CTNNA3: variants seen among roughly 807,000 people sequenced by gnomAD.
The protein encoded by CTNNA3 is catenin alpha 3, also known as catenin alpha-3.
A neutral mutation model predicts 95.7 loss-of-function variants in CTNNA3; 76 were observed. The ratio of observed to expected loss-of-function variants is 0.79; its 90% CI spans 0.66 to 0.96. CTNNA3 has a LOEUF of 0.96. Among genes scored for constraint, CTNNA3 ranks in the 40% least tolerant of loss-of-function variants. The pLI is 0.00. For synonymous variants in CTNNA3, 431 were observed against 374.4 expected, an observed-to-expected ratio of 1.15 and a Z score of -1.74; for missense variants, 1,191 against 1,089.8, an observed-to-expected ratio of 1.09 and a Z score of -1.31.
intron 7 of CTNNA3, among the ~76,000 whole-genome samples, chr10:67,137,600 C>G (rs927799566): frequency 5.3e-5 from 8 of 152,160 alleles, no homozygotes; most frequent in African/African-American, 1.9e-4. Flanking sequence ...AAAATTGTCT[C>G]ATTCTCACAA....
chr10:66,644,272 G>C (rs1001429633), intron 9 of CTNNA3, among the ~76,000 whole-genome samples: 2 of 103,050 alleles, frequency 1.9e-5, no homozygotes, highest in South Asian at 7.5e-4. Flanking sequence ...CTGTCTGTCT[G>C]TCTGTCTGTC....
intron 1 of CTNNA3, among the ~76,000 whole-genome samples, chr10:67,727,954 T>C (rs934520728): frequency 1.4e-4 from 19 of 136,748 alleles, no homozygotes; most frequent in African/African-American, 5.1e-4. Flanking sequence ...ATATAGTATG[T>C]ATAATATATA....
At chr10:66,220,302 C>T (rs2088851107) in intron 13 of CTNNA3, among the ~76,000 whole-genome samples, 1 of 152,092 alleles carries the variant, frequency 6.6e-6, no homozygotes, top group African/African-American at 2.4e-5. Context: ...ATTTGTAGAA[C>T]ATATCTCTAA....
chr10:66,765,189 G>A (rs1284835182), intron 9 of CTNNA3, among the ~76,000 whole-genome samples: 4 of 152,172 alleles, frequency 2.6e-5, no homozygotes, highest in Non-Finnish European at 4.4e-5. Flanking sequence ...AATGCTAGCT[G>A]CATTGGAAAC....
Position 67,564,205 on chromosome 10 carries a change from G to A in CTNNA3, c.293-24536C>T, listed in dbSNP as rs1420306016. On this transcript the variant is annotated intron_variant, in intron 3 of 17. Coordinates refer to ENST00000433211, the MANE Select transcript of CTNNA3 (RefSeq NM_013266.4). Reference sequence around the variant, plus strand: ...AGACACATGCACACGTATGTTTATTGTGGCACTATTCACAATAGCAAAGAC... The same window carrying A: ...AGACACATGCACACGTATGTTTATTATGGCACTATTCACAATAGCAAAGAC... 1.3e-5 allele frequency among the ~76,000 whole-genome samples: 2 copies of A among 149,604 alleles called. 1 individual carries two copies. The highest frequency in any genetic ancestry group is 3.0e-5 in the Non-Finnish European group (2 of 67,380).
At chr10:66,632,038 G>A (rs1158850140) in intron 9 of CTNNA3, among the ~76,000 whole-genome samples, 2 of 151,880 alleles carry the variant, frequency 1.3e-5, no homozygotes, top group African/African-American at 4.8e-5. Context: ...AGATATGTGT[G>A]CATATCTATA....
intron 7 of CTNNA3, among the ~76,000 whole-genome samples, chr10:66,935,613 A>C (rs142275053): frequency 5.5e-4 from 83 of 152,156 alleles, no homozygotes; most frequent in African/African-American, 1.9e-3. Context: ...CAAGGTACGT[A>C]TGTTGTACAT....
chr10:67,321,616 G>A (rs577548010), intron 5 of CTNNA3, among the ~76,000 whole-genome samples: 1 of 152,220 alleles, frequency 6.6e-6, no homozygotes, highest in African/African-American at 2.4e-5. Context: ...TGGTTTCAGA[G>A]CCCTCTTCTT....
chr10:67,554,903 C>G (rs1841178420), intron 3 of CTNNA3, among the ~76,000 whole-genome samples: 1 of 152,190 alleles, frequency 6.6e-6, no homozygotes, highest in Non-Finnish European at 1.5e-5. Context: ...ACATTTAAGT[C>G]TTTAATCCAT....
intron 1 of CTNNA3, among the ~76,000 whole-genome samples, chr10:67,675,092 T>C (rs1840511328): frequency 6.6e-6 from 1 of 152,118 alleles, no homozygotes; most frequent in Non-Finnish European, 1.5e-5. Flanking sequence ...TTCTTTTGAC[T>C]TATTTATGGG....
chr10:66,579,380 G>C (rs1843112308), intron 10 of CTNNA3, among the ~76,000 whole-genome samples: 1 of 151,804 alleles, frequency 6.6e-6, no homozygotes, highest in African/African-American at 2.4e-5. Context: ...ATCAGATTAT[G>C]AATGGATTAT....
chr10:65,959,402 A>G (rs1021913862), intron 17 of CTNNA3, among the ~76,000 whole-genome samples: 2 of 152,194 alleles, frequency 1.3e-5, no homozygotes, highest in African/African-American at 4.8e-5. Flanking sequence ...CCACTGTCCA[A>G]CAAGCCCCAG....
rs1197711848 is a variant in CTNNA3, at chr10:67,434,724, A to T, written c.579+87118T>A. On this transcript the variant is annotated intron_variant, in intron 5 of 17. Coordinates refer to ENST00000433211, the MANE Select transcript of CTNNA3 (RefSeq NM_013266.4). Reference sequence around the variant, plus strand: ...GACATCATGGAAATTTAAAGCTGAAACCTATAAGGAATCCTAAAAAGCACC... The same window carrying T: ...GACATCATGGAAATTTAAAGCTGAATCCTATAAGGAATCCTAAAAAGCACC... 2.0e-5 allele frequency among the ~76,000 whole-genome samples: 3 copies of T among 152,092 alleles called. No homozygotes were observed. In the East Asian group the frequency reaches 5.8e-4, roughly 29 times the overall value.
chr10:67,323,219 T>G (rs901699710), intron 5 of CTNNA3, among the ~76,000 whole-genome samples: 1 of 152,222 alleles, frequency 6.6e-6, no homozygotes, highest in African/African-American at 2.4e-5. Context: ...CTCTTTAATT[T>G]AATTAGGTCC....
In CTNNA3 at chr10:66,381,969, A is replaced by AT. The variant is rs2092842897; in HGVS notation, c.1532-2618dup. 3.3e-5 allele frequency among the ~76,000 whole-genome samples: 5 copies of AT among 152,146 alleles called. No individual in the cohort carries two copies. The South Asian group carries it at 1.0e-3, about 32-fold the overall frequency. ...AAGCTACCATTTTCACCTAACCAAG[A>AT]TGGCCAAATAGGAGCAGCTCCGGTC... On this transcript the variant is annotated intron_variant, in intron 11 of 17. Coordinates refer to ENST00000433211, the MANE Select transcript of CTNNA3 (RefSeq NM_013266.4).
rs569290344 is a variant in CTNNA3, at chr10:67,245,661, C to T, written c.580-25791G>A. On this transcript the variant is annotated intron_variant, in intron 5 of 17. Transcript: ENST00000433211. Reference sequence around the variant, plus strand: ...GATCACGAAGTCAAGAGATTGAGACCATCCTGGCCAACATTGTGAAACCCC... The same window carrying T: ...GATCACGAAGTCAAGAGATTGAGACTATCCTGGCCAACATTGTGAAACCCC... 6.6e-5 allele frequency among the ~76,000 whole-genome samples: 10 copies of T among 152,126 alleles called. 1 individual carries two copies. In the South Asian group the frequency reaches 2.1e-3, roughly 32 times the overall value.
At chr10:67,575,409 T>G (rs1003764660) in intron 3 of CTNNA3, among the ~76,000 whole-genome samples, 3 of 152,168 alleles carry the variant, frequency 2.0e-5, no homozygotes. Flanking sequence ...TCTGGCATTT[T>G]CCCTCTTTCT....
At chr10:66,979,379 A>G (rs760858483) in intron 7 of CTNNA3, among the ~76,000 whole-genome samples, 1 of 152,194 alleles carries the variant, frequency 6.6e-6, no homozygotes, top group Non-Finnish European at 1.5e-5. Flanking sequence ...TCACAGTATT[A>G]GAACACACCT....
intron 7 of CTNNA3, among the ~76,000 whole-genome samples, chr10:67,056,341 A>G (rs1006517359): frequency 6.6e-6 from 1 of 152,162 alleles, no homozygotes; most frequent in Admixed American, 6.6e-5. Context: ...AGTTACTTCT[A>G]TGCATAATTG....
Sources: allele counts gnomAD v4.1 joint callset (sites outside exome capture counted in the v4.1 genomes callset), GRCh38; gene constraint gnomAD v4.1.1; transcripts MANE v1.5; gene names NCBI Gene and HGNC (gene_info 2026-07-23, HGNC 2026-07-21).